The following CNTN6 variants were observed in gnomAD, a reference collection of about 807,000 sequenced individuals.
CNTN6 encodes the protein contactin 6, also known as contactin-6.
A neutral mutation model predicts 122.8 loss-of-function variants in CNTN6; 137 were observed. The observed-to-expected ratio is 1.12, with a 90% CI of 0.97 to 1.29. The LOEUF is 1.29. CNTN6 is among the 50% of genes most tolerant of loss of function. The pLI, the probability that CNTN6 is intolerant of heterozygous loss-of-function variation, is 0.00. For synonymous variants in CNTN6, 570 were observed against 426.0 expected (o/e 1.34, Z -4.16); for missense variants, 1,634 against 1,223.4 (o/e 1.34, Z -5.01).
rs188239545 is a variant in CNTN6 at position 1,119,523 on chromosome 3, A to G, written c.-83+26403A>G. Among the ~76,000 whole-genome samples the G allele has an allele frequency of 4.2e-3, 638 of 152,132 alleles. 8 individuals are homozygous for G. The highest frequency in any genetic ancestry group is 0.014 in the African/African-American group (599 of 41,524). ...CTGAGGAAATTTGAAAGAGAGCATCATAGAAGACAGTGTGTTGAACACTGT... is the reference window on the plus strand; with the variant it reads ...CTGAGGAAATTTGAAAGAGAGCATCGTAGAAGACAGTGTGTTGAACACTGT... On this transcript the variant is annotated intron_variant, in intron 1 of 22. Transcript: ENST00000446702.
At chr3:1,360,473 A>T (rs890073757) in intron 12 of CNTN6, among the ~76,000 whole-genome samples, 7 of 151,980 alleles carry the variant, frequency 4.6e-5, no homozygotes, top group Admixed American at 6.6e-5. Context: ...AAGCCCTGTT[A>T]TTTAAATGTT....
At chr3:1,105,687 A>G (rs974597185) in intron 1 of CNTN6, among the ~76,000 whole-genome samples, 1 of 152,156 alleles carries the variant, frequency 6.6e-6, no homozygotes, top group Non-Finnish European at 1.5e-5. Flanking sequence ...GTTTGTCCCT[A>G]ATTGCACATC....
chr3:1,182,644 T>C (rs1305875645), intron 2 of CNTN6, among the ~76,000 whole-genome samples: 2 of 152,154 alleles, frequency 1.3e-5, no homozygotes, highest in East Asian at 3.9e-4. Context: ...GTAACTCATA[T>C]ACAAAGTACG....
chr3:1,348,155 G>GAAAAAAAAAAAAAAA (rs1457391939), intron 11 of CNTN6, among the ~76,000 whole-genome samples: 1 of 21,980 alleles, frequency 4.5e-5, no homozygotes, highest in Non-Finnish European at 7.9e-5. Context: ...CTATGCTATA[G>GAAAAAAAAAAAAAAA]ACAAAAAAAA....
chr3:1,289,876 G>A (rs142572189), intron 5 of CNTN6, among the ~76,000 whole-genome samples: 2 of 152,016 alleles, frequency 1.3e-5, no homozygotes, highest in East Asian at 3.9e-4. Flanking sequence ...GGGTTTCACC[G>A]TGTTAGCCAG....
chr3:1,144,205 G>C (rs1360241019), intron 1 of CNTN6, among the ~76,000 whole-genome samples: 2 of 152,146 alleles, frequency 1.3e-5, no homozygotes. Flanking sequence ...TCTTTGGTAA[G>C]TGCAAGCCTT....
intron 4 of CNTN6, among the ~76,000 whole-genome samples, chr3:1,253,803 A>G (rs1262860750): frequency 1.3e-5 from 2 of 152,172 alleles, no homozygotes; most frequent in African/African-American, 4.8e-5. Context: ...CCTGCTGTGC[A>G]GTCAGATTTC....
rs559474304 is a variant in CNTN6 at position 1,141,194 on chromosome 3, C to A, written c.-82-6733C>A. 4.6e-5 allele frequency among the ~76,000 whole-genome samples: 7 copies of A among 152,276 alleles called. No homozygotes were observed. In the East Asian group the frequency reaches 1.3e-3, roughly 29 times the overall value. On this transcript the variant is annotated intron_variant, in intron 1 of 22. Transcript: ENST00000446702. ...CACTGAAATCAAACTGTGGAGCTAC[C>A]TGAACAAAGTGAATTTGAGATTTTT...
chr3:1,220,736 C>A lies in CNTN6; in HGVS notation c.105C>A (p.Val35=), dbSNP rs1355285678. The A allele has an allele frequency of 6.2e-7, 1 of 1,613,308 alleles. No individual in the cohort carries two copies. Among genetic ancestry groups the A allele is most frequent in the Middle Eastern group, 1.7e-4 (1 of 6,054 alleles). The change falls in exon 3 of 23, where the codon GTC becomes GTA. Residue 35 remains valine (V), a synonymous_variant. Transcript: ENST00000446702. ...TTTTTACTCAGGAGCCACATGATGTCATTTTTCCTTTGGATTTATCAAAAT... is the reference window on the plus strand; with the variant it reads ...TTTTTACTCAGGAGCCACATGATGTAATTTTTCCTTTGGATTTATCAAAAT... The part of the protein sequence containing the change: ...RPIFTQEPHD[V]IFPLDLSKSE...
intron 17 of CNTN6, 91 bp downstream of exon 17, chr3:1,377,166 A>C (rs1243095196): frequency 2.5e-6 from 2 of 815,372 alleles, no homozygotes; most frequent in Non-Finnish European, 3.9e-6. Context: ...TTTGATCACT[A>C]TTGAGAGCGT....
chr3:1,134,220 C>T (rs1054925260), intron 1 of CNTN6, among the ~76,000 whole-genome samples: 16 of 152,120 alleles, frequency 1.1e-4, no homozygotes, highest in Admixed American at 7.9e-4. Context: ...CACAGCATCT[C>T]GACTTTTATA....
chr3:1,372,357 A>G lies in CNTN6; in HGVS notation c.1551A>G (p.Ile517Met), dbSNP rs775871316. The G allele has an allele frequency of 8.1e-6, 13 of 1,613,390 alleles. No homozygotes were observed. Among genetic ancestry groups the G allele is most frequent in the Non-Finnish European group, 1.0e-5 (12 of 1,179,652 alleles). Reference sequence around the variant, plus strand: ...TGGATGTTACAGTTGGCGAGAGTATAGTGCTACCATGCCAGGTGTCCCATG... The same window carrying G: ...TGGATGTTACAGTTGGCGAGAGTATGGTGCTACCATGCCAGGTGTCCCATG... ...SKMDVTVGES[I>M]VLPCQVSHDP... The change falls in exon 13 of 23, where the codon ATA (isoleucine) becomes ATG (methionine). Residue 517 changes from isoleucine (I) to methionine (M), a missense_variant. Physicochemically the swap from Ile to Met is conservative, Grantham distance 10. Coordinates refer to ENST00000446702, the MANE Select transcript of CNTN6 (RefSeq NM_001289080.2).
intron 4 of CNTN6, among the ~76,000 whole-genome samples, chr3:1,269,595 T>C (rs2094988311): frequency 1.3e-5 from 2 of 152,190 alleles, no homozygotes; most frequent in Admixed American, 6.5e-5. Context: ...CTTACCACCA[T>C]TTGTCAGGCA....
chr3:1,321,847 G>T lies in CNTN6; in HGVS notation c.946+13G>T. 1 of 1,582,394 alleles carries T rather than the reference G, an allele frequency of 6.3e-7. No individual in the cohort carries two copies. Among genetic ancestry groups the T allele is most frequent in the Non-Finnish European group, 8.6e-7 (1 of 1,164,110 alleles). On this transcript the variant is annotated intron_variant, in intron 8 of 22. Coordinates refer to ENST00000446702, the MANE Select transcript of CNTN6 (RefSeq NM_001289080.2). ...CTCATTTTTTATGGTGAGCTAATTG[G>T]ATTTCAAATATATATAAAATATTTG...
chr3:1,175,321 G>GAATAAATA lies in CNTN6; in HGVS notation c.55+27259_55+27260insATAAATAA, dbSNP rs1297640380. On this transcript the variant is annotated intron_variant, in intron 2 of 22. Coordinates refer to ENST00000446702, the MANE Select transcript of CNTN6 (RefSeq NM_001289080.2). Reference sequence around the variant, plus strand: ...TCAAATAACACTACCATAAAAAATTGACTTTCTAACTAAAATGTGAATAAA... The same window carrying GAATAAATA: ...TCAAATAACACTACCATAAAAAATTGAATAAATAACTTTCTAACTAAAATGTGAATAAA... Among the ~76,000 whole-genome samples the GAATAAATA allele has an allele frequency of 6.5e-3, 971 of 150,366 alleles. 11 individuals carry two copies. The highest frequency in any genetic ancestry group is 0.023 in the African/African-American group (929 of 41,088).
chr3:1,257,778 A>G lies in CNTN6; in HGVS notation c.359-20635A>G, dbSNP rs571782105. On this transcript the variant is annotated intron_variant, in intron 4 of 22. Coordinates refer to ENST00000446702, the MANE Select transcript of CNTN6 (RefSeq NM_001289080.2). The stretch of plus-strand genomic sequence containing the variant: ...TCTACAAAGCTCAAAGCTACACCGA[A>G]GGGTCATATTTCTCCTCTAGAGAAA... Among the ~76,000 whole-genome samples, 20 of 152,316 alleles carry G rather than the reference A, an allele frequency of 1.3e-4. No homozygotes were observed. In the South Asian group the frequency reaches 4.1e-3, roughly 32 times the overall value.
At chr3:1,278,644 A>G in intron 5 of CNTN6, 136 bp downstream of exon 5, 1 of 533,762 alleles carries the variant, frequency 1.9e-6, no homozygotes, top group Non-Finnish European at 3.4e-6. Flanking sequence ...CATCTACTGC[A>G]TACAAATAGT....
intron 7 of CNTN6, among the ~76,000 whole-genome samples, chr3:1,300,508 AG>A (rs1697079914): frequency 2.4e-5 from 3 of 124,318 alleles, no homozygotes; most frequent in African/African-American, 1.2e-4. Context: ...GAAAAGAAAG[AG>A]AAAGAAAGAA....
At chr3:1,288,524 A>G (rs976068549) in intron 5 of CNTN6, among the ~76,000 whole-genome samples, 1 of 152,182 alleles carries the variant, frequency 6.6e-6, no homozygotes, top group Non-Finnish European at 1.5e-5. Context: ...TAAAGTACAC[A>G]CATTCTGGAA....
Sources: gnomAD v4.1 joint callset for allele counts (sites outside exome capture counted in the v4.1 genomes callset) on GRCh38, gnomAD v4.1.1 for gene constraint, MANE v1.5 for transcripts, NCBI Gene and HGNC (gene_info 2026-07-23, HGNC 2026-07-21) for gene names.